CLASP2: variants seen among roughly 807,000 people sequenced by gnomAD.
CLASP2 encodes CLIP-associating protein 2.
In CLASP2, 47 loss-of-function variants were observed where a neutral mutation model predicts 194.4. The observed-to-expected ratio is 0.24, with a 90% CI of 0.19 to 0.31. The LOEUF is 0.31. Among genes scored for constraint, CLASP2 ranks in the 10% least tolerant of loss-of-function variants. The probability of loss-of-function intolerance (pLI) is 1.00; values close to 1 mark genes in which losing one functional copy is unlikely to be tolerated. For missense variants in CLASP2, 1,445 were observed against 1,823.6 expected (o/e 0.79, Z 3.78); for synonymous variants, 619 against 633.5 (o/e 0.98, Z 0.34).
At chr3:33,575,248 C>T (rs916300380) in intron 24 of CLASP2, among the ~76,000 whole-genome samples, 4 of 152,020 alleles carry the variant, frequency 2.6e-5, no homozygotes, top group Non-Finnish European at 4.4e-5. Context: ...AAATTCAGCA[C>T]AGCGAAATGG....
At chr3:33,576,310 G>A (rs756661844) in intron 23 of CLASP2, 35 bp from the exon 24 acceptor site, 11 of 1,547,492 alleles carry the variant, frequency 7.1e-6, no homozygotes, top group Admixed American at 5.0e-5. Flanking sequence ...AGATTTGAAG[G>A]AGTCATAAAT....
chr3:33,548,691 T>C (rs1421407131), intron 30 of CLASP2, among the ~76,000 whole-genome samples: 1 of 152,098 alleles, frequency 6.6e-6, no homozygotes, highest in African/African-American at 2.4e-5. Flanking sequence ...TATACAATTA[T>C]CTCTTCATTA....
chr3:33,671,723 C>G (rs1199302823), intron 6 of CLASP2, among the ~76,000 whole-genome samples: 1 of 152,170 alleles, frequency 6.6e-6, no homozygotes, highest in Non-Finnish European at 1.5e-5. Flanking sequence ...CCTGGAAAAT[C>G]GGGTCACTCC....
rs527802440 is a variant in CLASP2 at position 33,689,642 on chromosome 3, G to A, written c.378+187C>T. On this transcript the variant is annotated intron_variant, in intron 3 of 38. Transcript: ENST00000682230. ...AGCTTTTAAAAAAAAAGCATTAAGA[G>A]TACAAAATAAGAATCAGAAGCAAAA... 1.6e-5 allele frequency: 7 copies of A among 438,562 alleles called. No individual in the cohort carries two copies. In the South Asian group the frequency reaches 2.7e-4, roughly 17 times the overall value. 27.2% of individuals were successfully genotyped at this position (438,562 alleles called of 1,614,324 possible). A position where few individuals can be genotyped will look rare whatever the true frequency, so the allele number is the denominator to read the frequency against.
At chr3:33,621,939 C>A (rs890194905) in intron 11 of CLASP2, among the ~76,000 whole-genome samples, 196 bp downstream of exon 11, 16 of 151,904 alleles carry the variant, frequency 1.1e-4, no homozygotes, top group Admixed American at 6.6e-5. Flanking sequence ...GTATACCAAC[C>A]TTAAAATGTT....
intron 36 of CLASP2, among the ~76,000 whole-genome samples, chr3:33,515,061 G>A (rs1217192890): frequency 6.6e-6 from 1 of 152,136 alleles, no homozygotes; most frequent in African/African-American, 2.4e-5. Flanking sequence ...GGACTTTGGG[G>A]ACTTGGGGGA....
At position 33,576,205 on chromosome 3, in the gene CLASP2, T is replaced by C; in HGVS notation, c.2418A>G (p.Thr806=). Residue 806 remains threonine (T), a synonymous_variant, in exon 24 of 39, where the codon ACA becomes ACG. Coordinates refer to ENST00000682230, the MANE Select transcript of CLASP2 (RefSeq NM_001365631.1). ...CCACCGCCTCCTCCACATCAGAACC[T>C]GTGTTCAGGACTCGCATGGCACTAA... The part of the protein sequence containing the change: ...SSVSAMRVLN[T]GSDVEEAVAD... The C allele has an allele frequency of 6.2e-7, 1 of 1,613,866 alleles. No homozygotes were observed. The highest frequency in any genetic ancestry group is 8.5e-7 in the Non-Finnish European group (1 of 1,179,774).
At chr3:33,567,321 C>A (rs2154187565) in intron 26 of CLASP2, among the ~76,000 whole-genome samples, 2 of 152,342 alleles carry the variant, frequency 1.3e-5, no homozygotes, top group South Asian at 4.1e-4. Context: ...GGCAGCTGAG[C>A]TGCCTAGAAT....
chr3:33,699,877 A>G (rs1459932303), intron 1 of CLASP2, among the ~76,000 whole-genome samples: 1 of 151,512 alleles, frequency 6.6e-6, no homozygotes, highest in African/African-American at 2.4e-5. Context: ...ACTACCAAAA[A>G]AAAAAAAAAA....
intron 37 of CLASP2, chr3:33,503,095 C>T (rs555033957): frequency 3.3e-5 from 5 of 152,196 alleles, no homozygotes; most frequent in Admixed American, 6.5e-5. Context: ...AAGAACAGGC[C>T]AGGTAAATAA....
In CLASP2 at chr3:33,710,186, C is replaced by A. The variant is rs368944812; in HGVS notation, c.195+7622G>T. 1.7e-4 allele frequency among the ~76,000 whole-genome samples: 26 copies of A among 152,246 alleles called. No individual in the cohort carries two copies. The East Asian group carries it at 5.0e-3, about 29-fold the overall frequency. On this transcript the variant is annotated intron_variant, in intron 1 of 38. Transcript: ENST00000682230. ...CCTAATGGTGAGATGTTAGAAAACA[C>A]CCTTGGTACCCAGAACACAAGGAGG...
rs899795436 is a variant in CLASP2, at chr3:33,578,435, T to G, written c.2348-2160A>C. 2.0e-5 allele frequency among the ~76,000 whole-genome samples: 3 copies of G among 152,194 alleles called. No individual in the cohort carries two copies. The East Asian group carries it at 5.8e-4, about 29-fold the overall frequency. ...AAATGCATTTTAATATTTAATAAAA[T>G]ACATTACTTTAATTTAGAAAGTTAT... On this transcript the variant is annotated intron_variant, in intron 23 of 38. Coordinates refer to ENST00000682230, the MANE Select transcript of CLASP2 (RefSeq NM_001365631.1).
At chr3:33,562,383 G>C (rs1459910718) in intron 27 of CLASP2, among the ~76,000 whole-genome samples, 1 of 152,124 alleles carries the variant, frequency 6.6e-6, no homozygotes, top group Non-Finnish European at 1.5e-5. Context: ...TTGTCAAGGA[G>C]CTTCACTAGA....
intron 9 of CLASP2, among the ~76,000 whole-genome samples, chr3:33,628,917 A>T (rs935226168): frequency 6.6e-6 from 1 of 152,172 alleles, no homozygotes; most frequent in African/African-American, 2.4e-5. Flanking sequence ...TGTAGGGGGA[A>T]TAAAATGGAA....
chr3:33,514,778 C>T (rs1346386035), intron 36 of CLASP2: 7 of 213,638 alleles, frequency 3.3e-5, no homozygotes, highest in Admixed American at 2.4e-4. Flanking sequence ...AGCCCAAATG[C>T]ACATCAATCA....
In CLASP2 at chr3:33,534,632, T is replaced by A. The variant is rs535168926; in HGVS notation, c.3787+601A>T. 2.6e-5 allele frequency among the ~76,000 whole-genome samples: 4 copies of A among 152,284 alleles called. No homozygotes were observed. In the South Asian group the frequency reaches 6.2e-4, roughly 24 times the overall value. On this transcript the variant is annotated intron_variant, in intron 34 of 38. Coordinates refer to ENST00000682230, the MANE Select transcript of CLASP2 (RefSeq NM_001365631.1). ...ATCATCAGTTTTTATACAACTTACC[T>A]GCATCTTACTGCACACTGGGATTAG...
chr3:33,555,989 T>G (rs1249669059), intron 29 of CLASP2, among the ~76,000 whole-genome samples: 1 of 152,208 alleles, frequency 6.6e-6, no homozygotes, highest in Non-Finnish European at 1.5e-5. Flanking sequence ...GTTTATAATT[T>G]TAATACAGCA....
At chr3:33,566,043 C>T (rs2062684702) in intron 27 of CLASP2, among the ~76,000 whole-genome samples, 1 of 152,108 alleles carries the variant, frequency 6.6e-6, no homozygotes, top group Non-Finnish European at 1.5e-5. Context: ...ACATATCTAT[C>T]TTCATTCATT....
chr3:33,696,594 T>C (rs2091941681), intron 2 of CLASP2, among the ~76,000 whole-genome samples: 1 of 151,826 alleles, frequency 6.6e-6, no homozygotes, highest in African/African-American at 2.4e-5. Flanking sequence ...GCCTCCCAAG[T>C]AGCTGGGATT....
Sources: gnomAD v4.1 joint callset for allele counts (sites outside exome capture counted in the v4.1 genomes callset) on GRCh38, gnomAD v4.1.1 for gene constraint, MANE v1.5 for transcripts, NCBI Gene and HGNC (gene_info 2026-07-23, HGNC 2026-07-21) for gene names.